Variants in RBFOX1 observed in about 807,000 individuals in gnomAD.
RBFOX1 encodes RNA binding fox-1 homolog 1.
Under a neutral mutation model 57.7 loss-of-function variants are expected in RBFOX1, and 8 were observed. That is an observed-to-expected ratio of 0.14 (90% CI 0.08 to 0.25). The LOEUF is 0.25. RBFOX1 is among the 10% of genes least tolerant of loss of function. The pLI is 1.00. For missense variants in RBFOX1, 611 were observed against 548.5 expected (o/e 1.11, Z -1.14); for synonymous variants, 326 against 222.4 (o/e 1.47, Z -4.15).
intron 3 of RBFOX1, among the ~76,000 whole-genome samples, chr16:6,958,134 T>C (rs1258822785): frequency 6.6e-6 from 1 of 152,128 alleles, no homozygotes; most frequent in Non-Finnish European, 1.5e-5. Flanking sequence ...TTTGCACGTT[T>C]TTTGAGAAGC....
intron 3 of RBFOX1, among the ~76,000 whole-genome samples, chr16:5,671,432 T>A (rs1047548869): frequency 9.2e-5 from 14 of 152,234 alleles, no homozygotes; most frequent in African/African-American, 3.4e-4. Context: ...TGCTGGAGAT[T>A]AACACTGATG....
intron 5 of RBFOX1, among the ~76,000 whole-genome samples, chr16:7,546,935 A>T (rs1260249679): frequency 6.6e-6 from 1 of 152,172 alleles, no homozygotes; most frequent in African/African-American, 2.4e-5. Flanking sequence ...CAAAGAGTAA[A>T]AATGCACATT....
At position 7,335,637 on chromosome 16, in the gene RBFOX1, G is replaced by A. The variant is rs573075826; in HGVS notation, c.28-182510G>A. Among the ~76,000 whole-genome samples the A allele has an allele frequency of 6.3e-4, 94 of 150,296 alleles. 1 individual carries two copies. Among genetic ancestry groups the A allele is most frequent in the Admixed American group, 2.0e-3 (30 of 15,034 alleles). On this transcript the variant is annotated intron_variant, in intron 4 of 15. Coordinates refer to ENST00000550418, the MANE Select transcript of RBFOX1 (RefSeq NM_018723.4). ...AAGTGATTTACCAGTCATTTGGTGT[G>A]CCAGACTTTAAGACGGCATCCACCT...
chr16:6,913,370 T>C (rs886464703), intron 3 of RBFOX1, among the ~76,000 whole-genome samples: 1 of 152,046 alleles, frequency 6.6e-6, no homozygotes, highest in South Asian at 2.1e-4. Flanking sequence ...GCGTGTTAGC[T>C]CAGGCCAAGA....
At chr16:7,273,815 G>C (rs2095387793) in intron 4 of RBFOX1, among the ~76,000 whole-genome samples, 1 of 152,090 alleles carries the variant, frequency 6.6e-6, no homozygotes, top group African/African-American at 2.4e-5. Context: ...ATTTTTCCAG[G>C]GCTGGATTGG....
intron 1 of RBFOX1, among the ~76,000 whole-genome samples, chr16:5,331,680 A>G (rs771192930): frequency 6.6e-6 from 1 of 152,270 alleles, no homozygotes; most frequent in Non-Finnish European, 1.5e-5. Context: ...GAAACTACAA[A>G]GTCACATGGC....
Position 7,479,693 on chromosome 16 carries a change from C to T in RBFOX1, c.28-38454C>T, listed in dbSNP as rs116132241. Among the ~76,000 whole-genome samples the T allele has an allele frequency of 8.6e-3, 1,316 of 152,140 alleles. 25 individuals carry two copies. The highest frequency in any genetic ancestry group is 0.028 in the African/African-American group (1,168 of 41,478). On this transcript the variant is annotated intron_variant, in intron 4 of 15. Transcript: ENST00000550418. ...AGCCCCTCTTGGGGCTGCTTCTCTCCGAGGGGAAGTGGGGCACCTGGAGGG... is the reference window on the plus strand; with the variant it reads ...AGCCCCTCTTGGGGCTGCTTCTCTCTGAGGGGAAGTGGGGCACCTGGAGGG...
chr16:6,238,294 G>A (rs878882353), intron 1 of RBFOX1, among the ~76,000 whole-genome samples: 1 of 152,068 alleles, frequency 6.6e-6, no homozygotes, highest in Admixed American at 6.6e-5. Context: ...AACGAAATTT[G>A]TCCTTTTGAA....
intron 2 of RBFOX1, among the ~76,000 whole-genome samples, chr16:6,580,290 T>C (rs1027606188): frequency 1.3e-5 from 2 of 152,178 alleles, no homozygotes; most frequent in Non-Finnish European, 2.9e-5. Flanking sequence ...TTATGTTGTT[T>C]GACTTTTTCC....
chr16:7,543,151 G>C (rs1158954994), intron 5 of RBFOX1, among the ~76,000 whole-genome samples: 1 of 152,166 alleles, frequency 6.6e-6, no homozygotes, highest in Non-Finnish European at 1.5e-5. Context: ...ATCACTCAGG[G>C]TTGGTGTTTA....
chr16:7,492,357 T>C (rs1035225339), intron 4 of RBFOX1, among the ~76,000 whole-genome samples: 1 of 152,024 alleles, frequency 6.6e-6, no homozygotes, highest in African/African-American at 2.4e-5. Flanking sequence ...AATTTAATGA[T>C]GTGGTGATTG....
intron 1 of RBFOX1, among the ~76,000 whole-genome samples, chr16:5,443,903 G>T (rs185721993): frequency 6.6e-6 from 1 of 152,064 alleles, no homozygotes; most frequent in Non-Finnish European, 1.5e-5. Flanking sequence ...CTTATTTGCC[G>T]AGGGGAGATT....
At chr16:7,528,528 A>G (rs1024789435) in intron 5 of RBFOX1, among the ~76,000 whole-genome samples, 9 of 152,032 alleles carry the variant, frequency 5.9e-5, no homozygotes, top group Middle Eastern at 3.2e-3. Flanking sequence ...CCCAGGCTGG[A>G]GTGCTATGGC....
chr16:6,580,538 A>C (rs2097522715), intron 2 of RBFOX1, among the ~76,000 whole-genome samples: 1 of 152,186 alleles, frequency 6.6e-6, no homozygotes, highest in African/African-American at 2.4e-5. Flanking sequence ...CATACAAATA[A>C]TGAAAAAATA....
chr16:6,841,860 C>T (rs1024585281), intron 3 of RBFOX1, among the ~76,000 whole-genome samples: 1 of 152,086 alleles, frequency 6.6e-6, no homozygotes, highest in East Asian at 1.9e-4. Flanking sequence ...TCCAACAGGC[C>T]GGGCGCGGTG....
intron 4 of RBFOX1, among the ~76,000 whole-genome samples, chr16:5,870,101 A>G (rs1425208324): frequency 6.6e-6 from 1 of 150,494 alleles, no homozygotes; most frequent in Non-Finnish European, 1.5e-5. Context: ...TTTCATTTAC[A>G]TATGTACATA....
At chr16:6,776,351 C>A (rs1432397666) in intron 3 of RBFOX1, among the ~76,000 whole-genome samples, 1 of 152,076 alleles carries the variant, frequency 6.6e-6, no homozygotes, top group Non-Finnish European at 1.5e-5. Flanking sequence ...GGAGAGCTTG[C>A]AGTGAGCCGA....
intron 4 of RBFOX1, among the ~76,000 whole-genome samples, chr16:7,319,927 T>C (rs1483149171): frequency 2.0e-5 from 3 of 152,162 alleles, no homozygotes; most frequent in Non-Finnish European, 4.4e-5. Flanking sequence ...GTTGGAGTGC[T>C]TAGAATTGTG....
At chr16:6,334,871 C>A (rs1165642689) in intron 2 of RBFOX1, among the ~76,000 whole-genome samples, 1 of 152,102 alleles carries the variant, frequency 6.6e-6, no homozygotes, top group East Asian at 1.9e-4. Flanking sequence ...CCCCTGTGGT[C>A]AAAGAGGGAG....
Sources: allele counts gnomAD v4.1 joint callset (sites outside exome capture counted in the v4.1 genomes callset), GRCh38; gene constraint gnomAD v4.1.1; transcripts MANE v1.5; gene names NCBI Gene and HGNC (gene_info 2026-07-23, HGNC 2026-07-21).